Variants in RPTOR observed in about 807,000 individuals in gnomAD.
RPTOR encodes the protein regulatory-associated protein of mTOR.
Under a neutral mutation model 169.9 loss-of-function variants are expected in RPTOR, and 21 were observed. That is an observed-to-expected ratio of 0.12 (90% confidence interval 0.09 to 0.18). The LOEUF is 0.18. Among genes scored for constraint, RPTOR ranks in the 10% least tolerant of loss-of-function variants. The pLI is 1.00. For synonymous variants in RPTOR, 732 were observed against 753.2 expected, an observed-to-expected ratio of 0.97 and a Z score of 0.46; for missense variants, 1,133 against 1,855.9, an observed-to-expected ratio of 0.61 and a Z score of 7.16.
At chr17:80,885,327 C>G (rs2068233310) in intron 17 of RPTOR, among the ~76,000 whole-genome samples, 179 bp downstream of exon 17, 1 of 152,232 alleles carries the variant, frequency 6.6e-6, no homozygotes, top group African/African-American at 2.4e-5. Context: ...TACCAGACAC[C>G]CATGGGTTTG....
At chr17:80,595,801 G>T (rs2065140572) in intron 1 of RPTOR, among the ~76,000 whole-genome samples, 1 of 152,200 alleles carries the variant, frequency 6.6e-6, no homozygotes, top group Non-Finnish European at 1.5e-5. Context: ...TGTCAGGGGG[G>T]TGGGGTGTGG....
At chr17:80,569,842 T>C (rs1411063463) in intron 1 of RPTOR, among the ~76,000 whole-genome samples, 2 of 152,216 alleles carry the variant, frequency 1.3e-5, no homozygotes, top group Non-Finnish European at 2.9e-5. Flanking sequence ...TTTCTGAGTC[T>C]CCGTGAGGGT....
In RPTOR at chr17:80,545,426, C is replaced by G. The variant is rs1302217838; in HGVS notation, c.-204C>G. ...TTGGGCTGCCCCATTTCCTAGCGGC[C>G]CCCACCTCCCCACTTCCCGCTCAGA... On this transcript the variant is annotated 5_prime_UTR_variant, in exon 1 of 34. Transcript: ENST00000306801. 1 of 463,212 alleles carries G rather than the reference C, an allele frequency of 2.2e-6. No homozygotes were observed. Among genetic ancestry groups the G allele is most frequent in the Non-Finnish European group, 3.8e-6 (1 of 260,932 alleles). The allele number at this position is 463,212 out of a possible 1,614,324, so 28.7% of individuals were successfully genotyped here.
At chr17:80,832,362 C>T (rs928597308) in intron 9 of RPTOR, among the ~76,000 whole-genome samples, 1 of 152,178 alleles carries the variant, frequency 6.6e-6, no homozygotes, top group Non-Finnish European at 1.5e-5. Context: ...GGGAAGGCCG[C>T]GAGGAGTGGA....
chr17:80,831,730 T>C (rs745915246), intron 9 of RPTOR, among the ~76,000 whole-genome samples: 4 of 151,820 alleles, frequency 2.6e-5, no homozygotes, highest in Non-Finnish European at 4.4e-5. Flanking sequence ...TGTGTGTCAC[T>C]GTGTCACTGT....
chr17:80,841,579 C>T (rs1479993768), intron 10 of RPTOR, among the ~76,000 whole-genome samples: 26 of 137,558 alleles, frequency 1.9e-4, no homozygotes, highest in Non-Finnish European at 3.1e-4. Context: ...TCACTCTCAC[C>T]GCACGGCAGC....
chr17:80,892,489 CTGTTGTCTT>C (rs1567971844), intron 18 of RPTOR, among the ~76,000 whole-genome samples: 1 of 152,386 alleles, frequency 6.6e-6, no homozygotes, highest in East Asian at 1.9e-4. Context: ...AGCCTCTCCC[CTGTTGTCTT>C]TTGTAATTTA....
intron 5 of RPTOR, among the ~76,000 whole-genome samples, chr17:80,733,244 A>T (rs956487888): frequency 1.3e-5 from 2 of 152,238 alleles, no homozygotes; most frequent in Non-Finnish European, 2.9e-5. Flanking sequence ...CCGGAAAATG[A>T]CATATCTGTC....
intron 3 of RPTOR, among the ~76,000 whole-genome samples, chr17:80,687,678 C>A (rs565292994): frequency 6.6e-6 from 1 of 152,292 alleles, no homozygotes; most frequent in East Asian, 1.9e-4. Flanking sequence ...GAATGGTTGT[C>A]ATCGGCTTCA....
At chr17:80,873,894 G>A (rs2068077674) in intron 13 of RPTOR, among the ~76,000 whole-genome samples, 1 of 152,206 alleles carries the variant, frequency 6.6e-6, no homozygotes. Context: ...CACTCGGTCT[G>A]TGCTGGGGAA....
Position 80,927,638 on chromosome 17 carries a change from A to ATG in RPTOR, c.2919+2170_2919+2171dup, listed in dbSNP as rs374900395. Among the ~76,000 whole-genome samples the ATG allele has an allele frequency of 6.2e-3, 853 of 136,644 alleles. 12 individuals carry two copies. Among genetic ancestry groups the ATG allele is most frequent in the African/African-American group, 0.021 (768 of 36,268 alleles). 89.6% of individuals were successfully genotyped at this position (136,644 alleles called of 152,430 possible). ...TCTGTCTGTCTGTCTGTCTGTCTCT[A>ATG]TGTGTGTGTGTGTATCCCTGTGTCT... On this transcript the variant is annotated intron_variant, in intron 24 of 33. Transcript: ENST00000306801.
rs1568012255 is a variant in RPTOR, at chr17:80,960,221, C to G, written c.3605+16C>G. On this transcript the variant is annotated intron_variant, in intron 30 of 33. Coordinates refer to ENST00000306801, the MANE Select transcript of RPTOR (RefSeq NM_020761.3). The surrounding 1 kb of genome is among the most constrained non-coding windows in gnomAD (Gnocchi z 4.8). ...TCAGCGAATGGTACCTTGACCCTGT[C>G]CTCTCCCTCCCCGAGTGCTGGCAGG... 6.2e-7 allele frequency: 1 copy of G among 1,612,914 alleles called. No individual in the cohort carries two copies. The highest frequency in any genetic ancestry group is 1.7e-5 in the Admixed American group (1 of 60,002).
rs988205377 is a variant in RPTOR at position 80,695,306 on chromosome 17, C to T, written c.349-12535C>T. Among the ~76,000 whole-genome samples, 10 of 152,180 alleles carry T rather than the reference C, an allele frequency of 6.6e-5. No individual in the cohort carries two copies. Among genetic ancestry groups the T allele is most frequent in the South Asian group, 2.1e-4 (1 of 4,820 alleles). ...TCACATCAGCCACCCGGGCAGGGCC[C>T]GCGTTAGTTTAGTTGTTTGTGGAGG... On this transcript the variant is annotated intron_variant, in intron 3 of 33. Transcript: ENST00000306801. This position sits in a 1 kb window ranked among gnomAD's most constrained non-coding sequence, Gnocchi z 4.9.
intron 5 of RPTOR, among the ~76,000 whole-genome samples, chr17:80,747,194 C>A (rs538140978): frequency 6.6e-6 from 1 of 152,144 alleles, no homozygotes; most frequent in Admixed American, 6.5e-5. Flanking sequence ...CCAGCCTAGG[C>A]GACAAAGCAA....
At chr17:80,555,896 AG>A (rs2084401434) in intron 1 of RPTOR, among the ~76,000 whole-genome samples, 1 of 151,910 alleles carries the variant, frequency 6.6e-6, no homozygotes, top group African/African-American at 2.4e-5. Flanking sequence ...GCGAGACTGG[AG>A]GTGGGGGCAC....
Position 80,947,437 on chromosome 17 carries a change from C to A in RPTOR, c.3265+86C>A. Reference sequence around the variant, plus strand: ...TGTGTGATCCTGAGATGTGTTTGTACATCTGTCTTACAGAAAGCCCTGCTC... The same window carrying A: ...TGTGTGATCCTGAGATGTGTTTGTAAATCTGTCTTACAGAAAGCCCTGCTC... On this transcript the variant is annotated intron_variant, in intron 27 of 33. Coordinates refer to ENST00000306801, the MANE Select transcript of RPTOR (RefSeq NM_020761.3). This position sits in a 1 kb window ranked among gnomAD's most constrained non-coding sequence, Gnocchi z 4.4. 1 of 1,427,428 alleles carries A rather than the reference C, an allele frequency of 7.0e-7. No homozygotes were observed. 88.4% of individuals were successfully genotyped at this position (1,427,428 alleles called of 1,614,324 possible). A position where few individuals can be genotyped will look rare whatever the true frequency, so the allele number is the denominator to read the frequency against.
intron 6 of RPTOR, 109 bp from the exon 7 acceptor site, chr17:80,791,341 G>A (rs926758884): frequency 2.5e-5 from 21 of 829,540 alleles, no homozygotes; most frequent in Admixed American, 8.2e-5. Context: ...CTTGTTCACC[G>A]TGGTAGTCCC....
At chr17:80,717,707 A>C (rs1048786441) in intron 4 of RPTOR, among the ~76,000 whole-genome samples, 1 of 152,244 alleles carries the variant, frequency 6.6e-6, no homozygotes, top group Non-Finnish European at 1.5e-5. Context: ...ACATTTAAAC[A>C]TGCTAGTTTT....
At chr17:80,666,193 T>C (rs767695365) in intron 3 of RPTOR, among the ~76,000 whole-genome samples, 2 of 150,276 alleles carry the variant, frequency 1.3e-5, no homozygotes, top group Non-Finnish European at 2.9e-5. Context: ...AAATTATGTT[T>C]ATTATCTACT....
Sources: allele counts gnomAD v4.1 joint callset (sites outside exome capture counted in the v4.1 genomes callset), GRCh38; gene constraint gnomAD v4.1.1; non-coding constraint Gnocchi (gnomAD v3.1); transcripts MANE v1.5; gene names NCBI Gene and HGNC (gene_info 2026-07-23, HGNC 2026-07-21).